TMEM160: variants seen among roughly 807,000 people sequenced by gnomAD.
TMEM160 encodes transmembrane protein 160.
TMEM160 carries 10 observed loss-of-function variants against 13.9 expected under a neutral mutation model. The ratio of observed to expected loss-of-function variants is 0.72; its 90% confidence interval spans 0.45 to 1.22. The LOEUF (loss-of-function observed/expected upper bound fraction) is 1.22, where lower values mean the gene tolerates loss of function less well. TMEM160 is among the 50% of genes most tolerant of loss of function. TMEM160 has a pLI of 0.00. For missense variants in TMEM160, 287 were observed against 283.2 expected (o/e 1.01, Z -0.10); for synonymous variants, 159 against 134.8 (o/e 1.18, Z -1.25).
At chr19:47,046,384 A>G in intron 2 of TMEM160, 132 bp from the exon 3 acceptor site, 1 of 1,202,628 alleles carries the variant, frequency 8.3e-7, no homozygotes, top group Non-Finnish European at 1.1e-6. Flanking sequence ...ATCAGATCGG[A>G]GGGGAGGGGA....
chr19:47,046,550 C>T, intron 2 of TMEM160, 43 bp downstream of exon 2: 1 of 1,527,970 alleles, frequency 6.5e-7, no homozygotes, highest in Non-Finnish European at 9.1e-7. Flanking sequence ...AGGGGCTCTG[C>T]ATTCCCTGGT....
rs2057076837 is a variant in TMEM160, at chr19:47,046,054, ACCAGCTCCACGT to A, written c.488_499del (p.Asp163_Leu166del). On this transcript the variant is annotated inframe_deletion, in exon 3 of 3. Transcript: ENST00000253047. Reference sequence around the variant, plus strand: ...GGAGGCCGTCCCGTCGTCCTCGGGCACCAGCTCCACGTCCAGCTCCAGCTGCCCCATGTAGAG... The same window carrying A: ...GGAGGCCGTCCCGTCGTCCTCGGGCACCAGCTCCAGCTGCCCCATGTAGAG... 1.3e-6 allele frequency: 2 copies of A among 1,548,174 alleles called. No homozygotes were observed. The highest frequency in any genetic ancestry group is 1.2e-5 in the South Asian group (1 of 84,908).
Position 47,046,060 on chromosome 19 carries a change from T to C in TMEM160, c.494A>G (p.Glu165Gly). 2 of 1,548,048 alleles carry C rather than the reference T, an allele frequency of 1.3e-6. No homozygotes were observed. Among genetic ancestry groups the C allele is most frequent in the Non-Finnish European group, 1.7e-6 (2 of 1,153,762 alleles). ...LYMGQLELDV[E>G]LVPEDDGTAS... Reference sequence around the variant, plus strand: ...CGTCCCGTCGTCCTCGGGCACCAGCTCCACGTCCAGCTCCAGCTGCCCCAT... The same window carrying C: ...CGTCCCGTCGTCCTCGGGCACCAGCCCCACGTCCAGCTCCAGCTGCCCCAT... The change falls in exon 3 of 3, where the codon GAG becomes GGG. Residue 165 changes from glutamate (E) to glycine (G), a missense_variant. Transcript: ENST00000253047.
rs1282143146 is a variant in TMEM160, at chr19:47,046,201, G to A, written c.353C>T (p.Ala118Val). The change falls in exon 3 of 3, where the codon GCC (alanine) becomes GTC (valine). Residue 118 changes from alanine (A) to valine (V), a missense_variant. By Grantham distance (64) the Ala-to-Val change is moderately conservative (BLOSUM62 0). Transcript: ENST00000253047. ...LCVVWGSASY[A>V]VGLAALRGPM... Reference sequence around the variant, plus strand: ...TCCTCGCAGCGCCGCCAGGCCCACGGCGTACGAGGCGCTGCCCCACACCAC... The same window carrying A: ...TCCTCGCAGCGCCGCCAGGCCCACGACGTACGAGGCGCTGCCCCACACCAC... The A allele has an allele frequency of 3.3e-6, 5 of 1,529,312 alleles. No homozygotes were observed. Among genetic ancestry groups the A allele is most frequent in the Non-Finnish European group, 4.4e-6 (5 of 1,144,516 alleles). The allele number at this position is 1,529,312 out of a possible 1,614,324, so 94.7% of individuals were successfully genotyped here.
chr19:47,046,198 A>G lies in TMEM160; in HGVS notation c.356T>C (p.Val119Ala). The change falls in exon 3 of 3, where the codon GTG (valine) becomes GCG (alanine). Residue 119 changes from valine (V) to alanine (A), a missense_variant. Coordinates refer to ENST00000253047, the MANE Select transcript of TMEM160 (RefSeq NM_017854.2). Reference sequence around the variant, plus strand: ...GGGTCCTCGCAGCGCCGCCAGGCCCACGGCGTACGAGGCGCTGCCCCACAC... The same window carrying G: ...GGGTCCTCGCAGCGCCGCCAGGCCCGCGGCGTACGAGGCGCTGCCCCACAC... ...CVVWGSASYA[V>A]GLAALRGPMQ... 6.6e-7 allele frequency: 1 copy of G among 1,526,682 alleles called. No homozygotes were observed. Among genetic ancestry groups the G allele is most frequent in the Non-Finnish European group, 8.7e-7 (1 of 1,143,548 alleles). 94.6% of individuals were successfully genotyped at this position (1,526,682 alleles called of 1,614,324 possible). A position where few individuals can be genotyped will look rare whatever the true frequency, so the allele number is the denominator to read the frequency against.
Position 47,048,471 on chromosome 19 carries a change from C to G in TMEM160, c.144G>C (p.Ser48=). The change falls in exon 1 of 3, where the codon TCG becomes TCC. Residue 48 remains serine (S), a synonymous_variant. Transcript: ENST00000253047. ...GATCCAGCTCGGACACTGGGGGCGGCGAAGCCCCGGCGCGGGGACCGTGGC... is the reference window on the plus strand; with the variant it reads ...GATCCAGCTCGGACACTGGGGGCGGGGAAGCCCCGGCGCGGGGACCGTGGC... ...APGHGPRAGA[S]PPPVSELDRA... The G allele has an allele frequency of 7.1e-7, 1 of 1,408,778 alleles. No homozygotes were observed. The highest frequency in any genetic ancestry group is 9.1e-7 in the Non-Finnish European group (1 of 1,093,484). The allele number at this position is 1,408,778 out of a possible 1,614,324, so 87.3% of individuals were successfully genotyped here. A position where few individuals can be genotyped will look rare whatever the true frequency, so the allele number is the denominator to read the frequency against.
intron 1 of TMEM160, 76 bp from the exon 2 acceptor site, chr19:47,046,761 T>C: frequency 9.0e-7 from 1 of 1,112,404 alleles, no homozygotes; most frequent in African/African-American, 1.5e-5. Context: ...CCAGTCAAAC[T>C]GAGGGGCCTC....
chr19:47,046,146 G>T lies in TMEM160; in HGVS notation c.408C>A (p.Ala136=), dbSNP rs1208995859. 1.4e-6 allele frequency: 2 copies of T among 1,469,494 alleles called. No homozygotes were observed. Among genetic ancestry groups the T allele is most frequent in the Admixed American group, 2.6e-5 (1 of 37,848 alleles). 91.0% of individuals were successfully genotyped at this position (1,469,494 alleles called of 1,614,324 possible). The change falls in exon 3 of 3, where the codon GCC becomes GCA. Residue 136 remains alanine (A), a synonymous_variant. Transcript: ENST00000253047. Reference sequence around the variant, plus strand: ...CGGCCAGCACGGCGCCCGCGCCCACGGCCGCGCCCCCCAGCGTCAGCTGCA... The same window carrying T: ...CGGCCAGCACGGCGCCCGCGCCCACTGCCGCGCCCCCCAGCGTCAGCTGCA... ...GPMQLTLGGA[A]VGAGAVLAAS...
At chr19:47,047,603 C>A (rs1296351274) in intron 1 of TMEM160, 1 of 983,852 alleles carries the variant, frequency 1.0e-6, no homozygotes, top group Non-Finnish European at 1.2e-6. Context: ...ATAATCCCAG[C>A]ACTTTGGGAA....
rs1046144911 is a variant in TMEM160, at chr19:47,048,389, C to T, written c.208+18G>A. ...GACCCCCGTCCCATCCGCACCGCCC[C>T]CACCCCTAGCCACCGACCTGTCTCG... On this transcript the variant is annotated intron_variant, in intron 1 of 2. Coordinates refer to ENST00000253047, the MANE Select transcript of TMEM160 (RefSeq NM_017854.2). 2.7e-6 allele frequency: 4 copies of T among 1,490,832 alleles called. No homozygotes were observed. Among genetic ancestry groups the T allele is most frequent in the African/African-American group, 1.5e-5 (1 of 68,294 alleles). The allele number at this position is 1,490,832 out of a possible 1,614,324, so 92.4% of individuals were successfully genotyped here.
At position 47,046,137 on chromosome 19, in the gene TMEM160, C is replaced by A; in HGVS notation, c.417G>T (p.Ala139=). The change falls in exon 3 of 3, where the codon GCG becomes GCT. Residue 139 remains alanine, a synonymous_variant. Transcript: ENST00000253047. ...GCAGGCTGGCGGCCAGCACGGCGCCCGCGCCCACGGCCGCGCCCCCCAGCG... is the reference window on the plus strand; with the variant it reads ...GCAGGCTGGCGGCCAGCACGGCGCCAGCGCCCACGGCCGCGCCCCCCAGCG... ...QLTLGGAAVG[A]GAVLAASLLW... is the part of the protein sequence containing the mutation. 1 of 1,478,416 alleles carries A rather than the reference C, an allele frequency of 6.8e-7. No homozygotes were observed. The highest frequency in any genetic ancestry group is 8.9e-7 in the Non-Finnish European group (1 of 1,124,202). The allele number at this position is 1,478,416 out of a possible 1,614,324, so 91.6% of individuals were successfully genotyped here.
chr19:47,046,537 GA>G, intron 2 of TMEM160, 55 bp downstream of exon 2: 1 of 1,438,912 alleles, frequency 6.9e-7, no homozygotes, highest in South Asian at 1.1e-5. Context: ...CAGGGCAGGT[GA>G]TAGGGGCTCT....
chr19:47,047,802 C>A, intron 1 of TMEM160: 1 of 771,084 alleles, frequency 1.3e-6, no homozygotes, highest in Non-Finnish European at 1.6e-6. Flanking sequence ...GCTACGATTG[C>A]GCCACTGCGG....
rs2057081753 is a variant in TMEM160 at position 47,046,638 on chromosome 19, C to A, written c.256G>T (p.Val86Phe). 1 of 1,613,562 alleles carries A rather than the reference C, an allele frequency of 6.2e-7. No homozygotes were observed. Among genetic ancestry groups the A allele is most frequent in the Non-Finnish European group, 8.5e-7 (1 of 1,179,930 alleles). ...ATGTCACTCTGCATGAAGGAGATGACCCCGATGCCCGATGCCAGGAGGCCA... is the reference window on the plus strand; with the variant it reads ...ATGTCACTCTGCATGAAGGAGATGAACCCGATGCCCGATGCCAGGAGGCCA... ...RNGLLASGIG[V>F]ISFMQSDMGR... Residue 86 changes from valine (V) to phenylalanine (F), a missense_variant, in exon 2 of 3, where the codon GTC becomes TTC. Coordinates refer to ENST00000253047, the MANE Select transcript of TMEM160 (RefSeq NM_017854.2).
rs1352783209 is a variant in TMEM160, at chr19:47,048,552, C to A, written c.63G>T (p.Ser21=). 2 of 1,508,904 alleles carry A rather than the reference C, an allele frequency of 1.3e-6. No individual in the cohort carries two copies. Among genetic ancestry groups the A allele is most frequent in the Non-Finnish European group, 1.8e-6 (2 of 1,136,658 alleles). 93.5% of individuals were successfully genotyped at this position (1,508,904 alleles called of 1,614,324 possible). Residue 21 remains serine, a synonymous_variant, in exon 1 of 3, where the codon TCG becomes TCT. Transcript: ENST00000253047. ...TCCGGGGCCGCTGAGGCGGCAGTAG[C>A]GACCTCCGGAAGCGAAGACGGGCAA... ...ARLARLRFRR[S]LLPPQRPRSG...
Position 47,046,045 on chromosome 19 carries a change from T to C in TMEM160, c.509A>G (p.Asp170Gly). The change falls in exon 3 of 3, where the codon GAC (aspartate) becomes GGC (glycine). Residue 170 changes from aspartate (D) to glycine (G), a missense_variant. Coordinates refer to ENST00000253047, the MANE Select transcript of TMEM160 (RefSeq NM_017854.2). ...GCCTTCCGCGGAGGCCGTCCCGTCG[T>C]CCTCGGGCACCAGCTCCACGTCCAG... is the stretch of plus-strand genomic sequence containing the variant. ...LELDVELVPE[D>G]DGTASAEGPD... 6.5e-7 allele frequency: 1 copy of C among 1,549,176 alleles called. No homozygotes were observed. Among genetic ancestry groups the C allele is most frequent in the Non-Finnish European group, 8.7e-7 (1 of 1,154,502 alleles).
In TMEM160 at chr19:47,047,273, G is replaced by C. The variant is rs73940800; in HGVS notation, c.209-588C>G. ...TGGAGGACAATCTAGGGGCAAAGTTGCAGAACCTCCATCTGAGGAGTCATC... is the reference window on the plus strand; with the variant it reads ...TGGAGGACAATCTAGGGGCAAAGTTCCAGAACCTCCATCTGAGGAGTCATC... On this transcript the variant is annotated intron_variant, in intron 1 of 2. Coordinates refer to ENST00000253047, the MANE Select transcript of TMEM160 (RefSeq NM_017854.2). The C allele has an allele frequency of 1.9e-3, 1,879 of 985,420 alleles. 26 individuals carry two copies. The African/African-American group carries it at 0.031, about 16-fold the overall frequency. 61.0% of individuals were successfully genotyped at this position (985,420 alleles called of 1,614,324 possible). A position where few individuals can be genotyped will look rare whatever the true frequency, so the allele number is the denominator to read the frequency against.
chr19:47,047,183 C>A (rs1234636985), intron 1 of TMEM160, among the ~76,000 whole-genome samples: 1 of 152,184 alleles, frequency 6.6e-6, no homozygotes, highest in Admixed American at 6.5e-5. Context: ...GCACTCCAGC[C>A]TGGGCGACAG....
At chr19:47,046,861 C>T (rs1385552806) in intron 1 of TMEM160, among the ~76,000 whole-genome samples, 176 bp from the exon 2 acceptor site, 1 of 152,184 alleles carries the variant, frequency 6.6e-6, no homozygotes, top group Non-Finnish European at 1.5e-5. Context: ...AACCATATCC[C>T]CCCACATCCT....
Sources: gnomAD v4.1 joint callset for allele counts (sites outside exome capture counted in the v4.1 genomes callset) on GRCh38, gnomAD v4.1.1 for gene constraint, MANE v1.5 for transcripts, NCBI Gene and HGNC (gene_info 2026-07-23, HGNC 2026-07-21) for gene names.